The following CSMD1 variants were observed in gnomAD, a reference collection of about 807,000 sequenced individuals.
CSMD1 encodes the protein CUB and sushi domain-containing protein 1.
Under a neutral mutation model 417.5 loss-of-function variants are expected in CSMD1, and 213 were observed. That is an observed-to-expected ratio of 0.51 (90% CI 0.46 to 0.57). The LOEUF (loss-of-function observed/expected upper bound fraction) is 0.57. Among genes scored for constraint, CSMD1 ranks in the 20% least tolerant of loss-of-function variants. CSMD1 has a pLI of 0.00. For synonymous variants in CSMD1, 2,862 were observed against 1,736.8 expected (o/e 1.65, Z -16.11); for missense variants, 6,923 against 4,529.7 (o/e 1.53, Z -15.17).
intron 3 of CSMD1, among the ~76,000 whole-genome samples, chr8:4,372,099 T>C (rs1263076517): frequency 6.6e-6 from 1 of 152,192 alleles, no homozygotes; most frequent in Non-Finnish European, 1.5e-5. Flanking sequence ...CCTTTCTATC[T>C]CAGTGCAAAG....
intron 49 of CSMD1, among the ~76,000 whole-genome samples, chr8:3,055,272 G>A (rs566299425): frequency 6.6e-6 from 1 of 152,270 alleles, no homozygotes; most frequent in South Asian, 2.1e-4. Context: ...GTGAACCCCT[G>A]CTTGCCCAGG....
At chr8:3,095,566 A>T (rs548454618) in intron 47 of CSMD1, among the ~76,000 whole-genome samples, 1 of 152,332 alleles carries the variant, frequency 6.6e-6, no homozygotes, top group South Asian at 2.1e-4. Context: ...ACATTAATTG[A>T]TTCAGTGATG....
intron 54 of CSMD1, 107 bp from the exon 55 acceptor site, chr8:2,978,907 T>A: frequency 1.1e-6 from 1 of 936,480 alleles, no homozygotes; most frequent in Middle Eastern, 2.3e-4. Context: ...GTTCAAAAAC[T>A]GACAACATGA....
At chr8:4,485,613 G>C (rs749201535) in intron 2 of CSMD1, among the ~76,000 whole-genome samples, 7 of 152,052 alleles carry the variant, frequency 4.6e-5, no homozygotes, top group Non-Finnish European at 8.8e-5. Flanking sequence ...AATGGATAAT[G>C]CTTTCTACTA....
At chr8:3,714,376 G>A (rs1025434921) in intron 6 of CSMD1, among the ~76,000 whole-genome samples, 1 of 150,454 alleles carries the variant, frequency 6.6e-6, no homozygotes, top group African/African-American at 2.4e-5. Flanking sequence ...CACAGCAAAT[G>A]GAATTTCCAA....
chr8:3,221,855 A>T (rs1425381664), intron 28 of CSMD1, among the ~76,000 whole-genome samples: 1 of 152,050 alleles, frequency 6.6e-6, no homozygotes, highest in Non-Finnish European at 1.5e-5. Context: ...CCTTCAGGTC[A>T]TATGATTCTT....
At chr8:4,289,140 T>C (rs1449007137) in intron 3 of CSMD1, among the ~76,000 whole-genome samples, 1 of 152,188 alleles carries the variant, frequency 6.6e-6, no homozygotes, top group Non-Finnish European at 1.5e-5. Flanking sequence ...GTTACAGTTC[T>C]TCTAACACCC....
chr8:2,997,052 G>T (rs1459123917), intron 54 of CSMD1, among the ~76,000 whole-genome samples: 1 of 152,244 alleles, frequency 6.6e-6, no homozygotes, highest in Non-Finnish European at 1.5e-5. Context: ...GGCGGAGGCA[G>T]GGGCACTGGC....
At chr8:3,985,455 A>T (rs1411670122) in intron 5 of CSMD1, among the ~76,000 whole-genome samples, 1 of 152,124 alleles carries the variant, frequency 6.6e-6, no homozygotes, top group Non-Finnish European at 1.5e-5. Context: ...GGGCGTGCAC[A>T]CTCACACATT....
At chr8:3,249,622 A>G (rs758011208) in intron 26 of CSMD1, among the ~76,000 whole-genome samples, 4 of 152,244 alleles carry the variant, frequency 2.6e-5, no homozygotes, top group Non-Finnish European at 4.4e-5. Context: ...ATATATACAT[A>G]TAGGAGATAA....
chr8:3,516,099 G>C (rs1355348234), intron 10 of CSMD1, among the ~76,000 whole-genome samples: 1 of 152,166 alleles, frequency 6.6e-6, no homozygotes, highest in East Asian at 1.9e-4. Context: ...CTGGTTACTT[G>C]AGTGTGGTCT....
At chr8:4,107,311 T>C (rs1001691041) in intron 3 of CSMD1, among the ~76,000 whole-genome samples, 4 of 152,206 alleles carry the variant, frequency 2.6e-5, no homozygotes, top group South Asian at 2.1e-4. Context: ...TAGAACTTCC[T>C]GAAATAGAGA....
intron 10 of CSMD1, among the ~76,000 whole-genome samples, chr8:3,573,182 C>T (rs963154238): frequency 5.3e-5 from 8 of 152,140 alleles, no homozygotes; most frequent in Admixed American, 3.3e-4. Flanking sequence ...TTTACTTACG[C>T]AACATGTGGA....
chr8:3,312,331 CCTTTT>C (rs1254062528), intron 23 of CSMD1, among the ~76,000 whole-genome samples: 2 of 152,034 alleles, frequency 1.3e-5, no homozygotes, highest in Non-Finnish European at 2.9e-5. Context: ...TTTTCTGATG[CCTTTT>C]CTTGTTTTTG....
chr8:4,604,597 A>G (rs1483972588), intron 2 of CSMD1, among the ~76,000 whole-genome samples: 2 of 152,142 alleles, frequency 1.3e-5, no homozygotes, highest in Non-Finnish European at 2.9e-5. Flanking sequence ...CTAGCTTAAA[A>G]ATGTTAAAAA....
At chr8:4,327,630 C>CAAA (rs1799634206) in intron 3 of CSMD1, among the ~76,000 whole-genome samples, 1 of 152,044 alleles carries the variant, frequency 6.6e-6, no homozygotes, top group African/African-American at 2.4e-5. Flanking sequence ...CCCCCAAAAA[C>CAAA]AACAACAACA....
chr8:4,656,743 T>A (rs976487848), intron 1 of CSMD1, among the ~76,000 whole-genome samples: 3 of 151,854 alleles, frequency 2.0e-5, no homozygotes, highest in Admixed American at 2.0e-4. Flanking sequence ...TTGGGGACAC[T>A]AAATGCCGCA....
intron 1 of CSMD1, among the ~76,000 whole-genome samples, chr8:4,818,295 G>A (rs573092253): frequency 3.4e-4 from 52 of 152,188 alleles, no homozygotes; most frequent in African/African-American, 1.2e-3. Context: ...AGAAAAGCTC[G>A]ATGAAATTGA....
intron 1 of CSMD1, among the ~76,000 whole-genome samples, chr8:4,925,689 G>A (rs1354640116): frequency 6.6e-6 from 1 of 152,036 alleles, no homozygotes; most frequent in Non-Finnish European, 1.5e-5. Context: ...TGGGACTACA[G>A]GCGCCCGCCA....
Sources: allele counts gnomAD v4.1 joint callset (sites outside exome capture counted in the v4.1 genomes callset), GRCh38; gene constraint gnomAD v4.1.1; transcripts MANE v1.5; gene names NCBI Gene and HGNC (gene_info 2026-07-23, HGNC 2026-07-21).